KIF1B: variants seen among roughly 807,000 people sequenced by gnomAD.
KIF1B encodes the protein kinesin-like protein KIF1B.
In KIF1B, 76 loss-of-function variants were observed where a neutral mutation model predicts 241.9. The observed-to-expected ratio is 0.31, with a 90% CI of 0.26 to 0.38. The LOEUF is 0.38. Among genes scored for constraint, KIF1B ranks in the 10% least tolerant of loss-of-function variants. The probability of loss-of-function intolerance (pLI) is 1.00; values close to 1 mark genes in which losing one functional copy is unlikely to be tolerated. For synonymous variants in KIF1B, 750 were observed against 796.7 expected, an observed-to-expected ratio of 0.94 and a Z score of 0.99; for missense variants, 1,622 against 2,271.4, an observed-to-expected ratio of 0.71 and a Z score of 5.81.
At chr1:10,321,971 C>A in intron 24 of KIF1B, 114 bp downstream of exon 24, 1 of 1,090,586 alleles carries the variant, frequency 9.2e-7, no homozygotes, top group Non-Finnish European at 1.4e-6. Context: ...CTGCTTTGTG[C>A]TATAAAACAG....
chr1:10,339,929 G>T (rs890959643), intron 32 of KIF1B, 70 bp downstream of exon 32: 9 of 1,283,164 alleles, frequency 7.0e-6, no homozygotes, highest in Admixed American at 1.8e-5. Context: ...CCCGGGAAGG[G>T]TGATAAGAAG....
chr1:10,345,966 T>C lies in KIF1B; in HGVS notation c.3797+13T>C. On this transcript the variant is annotated intron_variant, in intron 35 of 48. Coordinates refer to ENST00000676179, the MANE Select transcript of KIF1B (RefSeq NM_001365951.3). ...AGCCTACAGGAGAGTAAGTCCAACT[T>C]AATAAATTTTTAAATAAGGCAAAAT... The C allele has an allele frequency of 6.5e-7, 1 of 1,548,310 alleles. No homozygotes were observed. Among genetic ancestry groups the C allele is most frequent in the East Asian group, 2.2e-5 (1 of 44,588 alleles).
At chr1:10,321,228 T>C (rs992173375) in intron 23 of KIF1B, among the ~76,000 whole-genome samples, 43 of 151,866 alleles carry the variant, frequency 2.8e-4, no homozygotes, top group African/African-American at 9.7e-4. Flanking sequence ...CTCAGCCTCC[T>C]GAGTAGCTGG....
intron 2 of KIF1B, among the ~76,000 whole-genome samples, chr1:10,247,282 A>G (rs969454865): frequency 6.6e-6 from 1 of 152,180 alleles, no homozygotes; most frequent in Non-Finnish European, 1.5e-5. Context: ...ACCTGGCTAT[A>G]CTGCTGGTCT....
chr1:10,275,902 TCTC>T (rs1262688618), intron 11 of KIF1B, among the ~76,000 whole-genome samples: 2 of 137,658 alleles, frequency 1.5e-5, no homozygotes, highest in African/African-American at 5.9e-5. Flanking sequence ...TTCATTCACT[TCTC>T]CTACTTTTTT....
intron 1 of KIF1B, among the ~76,000 whole-genome samples, chr1:10,228,733 A>G (rs2102120900): frequency 1.3e-5 from 2 of 152,260 alleles, no homozygotes; most frequent in South Asian, 4.1e-4. Flanking sequence ...CAGTCCAGCT[A>G]TTGCAAGTAT....
intron 8 of KIF1B, among the ~76,000 whole-genome samples, 197 bp downstream of exon 8, chr1:10,271,776 G>A (rs1031679043): frequency 7.9e-5 from 12 of 152,184 alleles, no homozygotes; most frequent in Admixed American, 6.6e-4. Context: ...TCCTTCTACG[G>A]AAAAATTTTG....
chr1:10,335,629 TTTTG>T (rs1652137108), intron 28 of KIF1B, among the ~76,000 whole-genome samples: 3 of 152,098 alleles, frequency 2.0e-5, no homozygotes, highest in South Asian at 4.1e-4. Flanking sequence ...GTTGTTGTTT[TTTTG>T]TTTGTTTGTT....
Position 10,210,571 on chromosome 1 carries a change from G to A in KIF1B, c.-387G>A, listed in dbSNP as rs989799943. On this transcript the variant is annotated 5_prime_UTR_variant, in exon 1 of 49. It adds an upstream start codon to the 5' untranslated region. Transcript: ENST00000676179. This position sits in a 1 kb window ranked among gnomAD's most constrained non-coding sequence, Gnocchi z 4.1. Reference sequence around the variant, plus strand: ...GTTTCGCGAGGGCCGAAGCGGGGCAGTGTGACGGCAGCGGTCCTGGGAGGC... The same window carrying A: ...GTTTCGCGAGGGCCGAAGCGGGGCAATGTGACGGCAGCGGTCCTGGGAGGC... Among the ~76,000 whole-genome samples the A allele has an allele frequency of 3.3e-5, 5 of 152,094 alleles. No individual in the cohort carries two copies. The highest frequency in any genetic ancestry group is 7.2e-5 in the African/African-American group (3 of 41,448).
At chr1:10,219,075 AG>A (rs1646805469) in intron 1 of KIF1B, among the ~76,000 whole-genome samples, 1 of 152,200 alleles carries the variant, frequency 6.6e-6, no homozygotes, top group African/African-American at 2.4e-5. Flanking sequence ...CTCTGGTAAA[AG>A]AAAGCCTAAT....
At chr1:10,252,386 TTTGTTGTTG>T (rs70997214) in intron 2 of KIF1B, among the ~76,000 whole-genome samples, 14 of 149,932 alleles carry the variant, frequency 9.3e-5, no homozygotes, top group East Asian at 4.0e-4. Context: ...TTGTGGGGTT[TTTGTTGTTG>T]TTGTTGTTGT....
In KIF1B at chr1:10,326,537, G is replaced by C. The variant is rs2102302219; in HGVS notation, c.2924+178G>C. Among the ~76,000 whole-genome samples the C allele has an allele frequency of 1.3e-5, 2 of 152,242 alleles. No individual in the cohort carries two copies. Among genetic ancestry groups the C allele is most frequent in the South Asian group, 4.1e-4 (2 of 4,824 alleles). ...GCTGGTCTGGCTGAGATGGTTCTCA[G>C]GCATTGTGTGTGAGGTCCTCAGTCT... On this transcript the variant is annotated intron_variant, in intron 27 of 48. Coordinates refer to ENST00000676179, the MANE Select transcript of KIF1B (RefSeq NM_001365951.3). This position sits in a 1 kb window ranked among gnomAD's most constrained non-coding sequence, Gnocchi z 5.2.
chr1:10,367,601 C>T (rs61778403), intron 43 of KIF1B, among the ~76,000 whole-genome samples: 49,362 of 150,134 alleles, frequency 0.33, 8,248 homozygotes, highest in Middle Eastern at 0.39. Context: ...GTGGTGCGAT[C>T]TCGGCTCACT....
chr1:10,224,669 T>C (rs1230109193), intron 1 of KIF1B, among the ~76,000 whole-genome samples: 1 of 152,018 alleles, frequency 6.6e-6, no homozygotes, highest in Non-Finnish European at 1.5e-5. Flanking sequence ...AGCAATTCTT[T>C]CACTTTAGCC....
intron 27 of KIF1B, among the ~76,000 whole-genome samples, chr1:10,330,357 A>C (rs909677441): frequency 2.6e-5 from 4 of 152,222 alleles, no homozygotes; most frequent in Non-Finnish European, 5.9e-5. Flanking sequence ...GAAATCTATA[A>C]TAATGGCCTT....
intron 15 of KIF1B, among the ~76,000 whole-genome samples, chr1:10,283,094 C>G (rs1272700092): frequency 1.3e-5 from 2 of 150,724 alleles, no homozygotes; most frequent in African/African-American, 4.9e-5. Flanking sequence ...GTAGTCCCAG[C>G]TACTCCTGAG....
chr1:10,328,111 G>T (rs1651789119), intron 27 of KIF1B, among the ~76,000 whole-genome samples: 1 of 152,228 alleles, frequency 6.6e-6, no homozygotes, highest in Non-Finnish European at 1.5e-5. Flanking sequence ...GATAATTTGA[G>T]CCCAAGAGTT....
At chr1:10,356,998 G>A (rs1042470757) in intron 38 of KIF1B, among the ~76,000 whole-genome samples, 1 of 152,130 alleles carries the variant, frequency 6.6e-6, no homozygotes, top group African/African-American at 2.4e-5. Flanking sequence ...TCCCTCCTCA[G>A]CCTCCCGAAT....
intron 2 of KIF1B, among the ~76,000 whole-genome samples, chr1:10,244,582 G>A (rs1389969789): frequency 6.7e-6 from 1 of 149,124 alleles, no homozygotes; most frequent in Non-Finnish European, 1.5e-5. Flanking sequence ...AAAGTGCTGG[G>A]ATTACAGGCC....
Sources: allele counts gnomAD v4.1 joint callset (sites outside exome capture counted in the v4.1 genomes callset), GRCh38; gene constraint gnomAD v4.1.1; non-coding constraint Gnocchi (gnomAD v3.1); transcripts MANE v1.5; gene names NCBI Gene and HGNC (gene_info 2026-07-23, HGNC 2026-07-21).